Variants in ABCC1 observed in about 807,000 individuals in gnomAD.
ABCC1 encodes the protein multidrug resistance-associated protein 1.
ABCC1 carries 83 observed loss-of-function variants against 172.9 expected under a neutral mutation model. That is an observed-to-expected ratio of 0.48 (90% confidence interval 0.40 to 0.58). The LOEUF (loss-of-function observed/expected upper bound fraction) is 0.58, where lower values mean the gene tolerates loss of function less well. ABCC1 is among the 20% of genes least tolerant of loss of function. ABCC1 has a pLI of 0.00. For synonymous variants in ABCC1, 937 were observed against 825.2 expected (o/e 1.14, Z -2.32); for missense variants, 1,817 against 2,002.7 (o/e 0.91, Z 1.77).
chr16:16,076,037 C>T (rs2050550830), intron 14 of ABCC1: 1 of 468,514 alleles, frequency 2.1e-6, no homozygotes, highest in African/African-American at 2.1e-5. Context: ...CATGCGGCCC[C>T]CGCCTCTGCA....
chr16:16,011,472 A>G (rs8055903), intron 3 of ABCC1, among the ~76,000 whole-genome samples: 35,372 of 151,770 alleles, frequency 0.23, 5,248 homozygotes, highest in African/African-American at 0.41. Context: ...ATTTTTCTAA[A>G]TTAATTTTTC....
chr16:16,061,526 C>T (rs1031933081), intron 12 of ABCC1, among the ~76,000 whole-genome samples: 22 of 152,196 alleles, frequency 1.4e-4, no homozygotes, highest in Non-Finnish European at 2.8e-4. Flanking sequence ...GGACAGAATT[C>T]TCCCAGTTGA....
intron 1 of ABCC1, among the ~76,000 whole-genome samples, chr16:15,980,272 A>G (rs1477339628): frequency 6.6e-6 from 1 of 152,150 alleles, no homozygotes; most frequent in African/African-American, 2.4e-5. Flanking sequence ...TGAGAGGCCA[A>G]GGTGGGAAGA....
chr16:16,009,788 T>G lies in ABCC1; in HGVS notation c.238T>G (p.Leu80Val), dbSNP rs1326800154. 1.4e-5 allele frequency: 23 copies of G among 1,607,046 alleles called. No individual in the cohort carries two copies. The highest frequency in any genetic ancestry group is 1.9e-5 in the Non-Finnish European group (22 of 1,177,074). The change falls in exon 3 of 31, where the codon TTG becomes GTG. Residue 80 changes from leucine (L) to valine (V), a missense_variant. Transcript: ENST00000399410. ...LNKTKTALGF[L>V]LWIVCWADLF... The stretch of plus-strand genomic sequence containing the variant: ...GCTTCTCTTCCAGGCCTTGGGATTT[T>G]TGCTGTGGATCGTCTGCTGGGCAGA...
At chr16:16,131,987 G>A (rs779203017) in intron 27 of ABCC1, 52 bp downstream of exon 27, 10 of 1,586,778 alleles carry the variant, frequency 6.3e-6, no homozygotes, top group Admixed American at 1.8e-5. Context: ...GGCACAGGGT[G>A]CCATCGGGCA....
intron 1 of ABCC1, among the ~76,000 whole-genome samples, chr16:15,999,769 T>TTCTCTCTCTCTCCCTCTCTCTC: frequency 3.9e-5 from 1 of 25,366 alleles, no homozygotes; most frequent in Non-Finnish European, 8.8e-5. Context: ...CCCGGCCTCT[T>TTCTCTCTCTCTCCCTCTCTCTC]TCTCTCTCTC....
rs1400515377 is a variant in ABCC1 at position 16,086,812 on chromosome 16, G to A, written c.2293-12G>A. 1 of 1,612,654 alleles carries A rather than the reference G, an allele frequency of 6.2e-7. No individual in the cohort carries two copies. Among genetic ancestry groups the A allele is most frequent in the East Asian group, 2.2e-5 (1 of 44,858 alleles). On this transcript the variant is annotated splice_polypyrimidine_tract_variant and intron_variant, in intron 17 of 30. Coordinates refer to ENST00000399410, the MANE Select transcript of ABCC1 (RefSeq NM_004996.4). ...TCCCAGGAAACCCACTCCTGTGTGT[G>A]TCTCTCCCCAGGGCGTGAACCTGTC...
chr16:16,094,316 C>T (rs1373847328), intron 19 of ABCC1: 2 of 263,372 alleles, frequency 7.6e-6, no homozygotes, highest in Non-Finnish European at 1.5e-5. Flanking sequence ...TAAGCATGTG[C>T]AGCAGAAATT....
At chr16:16,078,576 C>A (rs796419388) in intron 15 of ABCC1, among the ~76,000 whole-genome samples, 2 of 152,190 alleles carry the variant, frequency 1.3e-5, no homozygotes, top group African/African-American at 4.8e-5. Flanking sequence ...TCAGTGCCAT[C>A]GCATCCCTGG....
intron 26 of ABCC1, among the ~76,000 whole-genome samples, chr16:16,128,586 TAGATAG>T (rs1452184203): frequency 6.6e-6 from 1 of 152,248 alleles, no homozygotes; most frequent in Non-Finnish European, 1.5e-5. Context: ...TTTTTATATA[TAGATAG>T]AAAGTTCCAC....
chr16:16,062,652 T>G (rs1483985808), intron 12 of ABCC1, among the ~76,000 whole-genome samples: 1 of 152,218 alleles, frequency 6.6e-6, no homozygotes, highest in Non-Finnish European at 1.5e-5. Context: ...GGCCGAGGCA[T>G]CGAAGCCTCT....
chr16:16,035,492 AT>A (rs55727520), intron 6 of ABCC1, among the ~76,000 whole-genome samples: 92,001 of 138,788 alleles, frequency 0.66, 29,800 homozygotes, highest in Admixed American at 0.74. Flanking sequence ...CCTTCAGCCT[AT>A]TTTTTTTTTT....
intron 12 of ABCC1, among the ~76,000 whole-genome samples, chr16:16,065,204 T>C (rs35599): frequency 0.1 from 15,546 of 152,242 alleles, 867 homozygotes; most frequent in East Asian, 0.15. Flanking sequence ...CCTTGGGATC[T>C]GAGTCAGCAC....
intron 1 of ABCC1, among the ~76,000 whole-genome samples, chr16:15,953,451 T>G (rs1363649675): frequency 6.6e-6 from 1 of 152,162 alleles, no homozygotes; most frequent in Non-Finnish European, 1.5e-5. Context: ...TCGCCTCTGC[T>G]GCTGAGGCAG....
chr16:16,087,112 A>C, intron 18 of ABCC1, 121 bp downstream of exon 18: 1 of 1,155,636 alleles, frequency 8.7e-7, no homozygotes, highest in Admixed American at 2.6e-5. Context: ...TTGGACTTTA[A>C]AGAACACATT....
At chr16:16,077,221 C>T (rs1337626557) in intron 15 of ABCC1, among the ~76,000 whole-genome samples, 1 of 152,192 alleles carries the variant, frequency 6.6e-6, no homozygotes, top group East Asian at 1.9e-4. Context: ...AGGTTTAGCT[C>T]ATGCCTGGGT....
chr16:15,976,623 T>C (rs961543189), intron 1 of ABCC1, among the ~76,000 whole-genome samples: 1 of 152,146 alleles, frequency 6.6e-6, no homozygotes, highest in African/African-American at 2.4e-5. Flanking sequence ...TCTTGGAGGC[T>C]GGAGGATTAG....
chr16:15,986,594 C>T (rs920630736), intron 1 of ABCC1, among the ~76,000 whole-genome samples: 1 of 152,176 alleles, frequency 6.6e-6, no homozygotes, highest in Admixed American at 6.5e-5. Flanking sequence ...CTGAAAGCCA[C>T]CCCCCGCCAT....
intron 19 of ABCC1, among the ~76,000 whole-genome samples, chr16:16,096,560 G>A (rs983588463): frequency 1.3e-5 from 2 of 152,196 alleles, no homozygotes; most frequent in African/African-American, 4.8e-5. Context: ...TTTTGAGGAT[G>A]AAGAGCTTTC....
Sources: allele counts gnomAD v4.1 joint callset (sites outside exome capture counted in the v4.1 genomes callset), GRCh38; gene constraint gnomAD v4.1.1; transcripts MANE v1.5; gene names NCBI Gene and HGNC (gene_info 2026-07-23, HGNC 2026-07-21).